Variants in NAA15 observed in about 807,000 individuals in gnomAD.
NAA15 encodes the protein N-alpha-acetyltransferase 15, NatA auxiliary subunit, also known as N-terminal acetyltransferase.
A neutral mutation model predicts 114.0 loss-of-function variants in NAA15; 34 were observed. The ratio of observed to expected loss-of-function variants is 0.30; its 90% CI spans 0.23 to 0.40. The LOEUF (loss-of-function observed/expected upper bound fraction) is 0.40. Among genes scored for constraint, NAA15 ranks in the 10% least tolerant of loss-of-function variants. NAA15 has a pLI of 1.00. For synonymous variants in NAA15, 340 were observed against 338.0 expected, an observed-to-expected ratio of 1.01 and a Z score of -0.06; for missense variants, 658 against 1,004.5, an observed-to-expected ratio of 0.66 and a Z score of 4.66.
intron 17 of NAA15, among the ~76,000 whole-genome samples, chr4:139,382,131 C>CT (rs1485940454): frequency 4.6e-5 from 7 of 152,180 alleles, no homozygotes; most frequent in Non-Finnish European, 7.4e-5. Flanking sequence ...TGCTCCTTTT[C>CT]TTAAGGGTAC....
chr4:139,380,260 G>T lies in NAA15; in HGVS notation c.2155+1406G>T, dbSNP rs556582988. Among the ~76,000 whole-genome samples, 356 of 76,826 alleles carry T rather than the reference G, an allele frequency of 4.6e-3. 2 individuals carry two copies. The highest frequency in any genetic ancestry group is 6.6e-3 in the Non-Finnish European group (239 of 36,188). 50.4% of individuals were successfully genotyped at this position (76,826 alleles called of 152,430 possible). On this transcript the variant is annotated intron_variant, in intron 17 of 19. Transcript: ENST00000296543. ...AGTTTGTTTCTCTTTAGTTTTTTTG[G>T]GGGGGGGGAGTATGAAAAATAACTT...
chr4:139,381,925 A>T (rs964348231), intron 17 of NAA15, among the ~76,000 whole-genome samples: 2 of 152,172 alleles, frequency 1.3e-5, no homozygotes, highest in Non-Finnish European at 2.9e-5. Flanking sequence ...CTCATCAGTT[A>T]TTACTTTTCC....
chr4:139,378,548 A>G (rs1423050526), intron 16 of NAA15, among the ~76,000 whole-genome samples: 4 of 152,226 alleles, frequency 2.6e-5, no homozygotes, highest in Non-Finnish European at 4.4e-5. Context: ...TAAATTTTCT[A>G]CATTTCACAA....
chr4:139,335,167 C>T (rs995736850), intron 2 of NAA15, among the ~76,000 whole-genome samples: 2 of 151,928 alleles, frequency 1.3e-5, no homozygotes, highest in Non-Finnish European at 2.9e-5. Flanking sequence ...TATGACAAAA[C>T]ATATATTTAA....
chr4:139,321,943 C>T (rs1022658336), intron 1 of NAA15, among the ~76,000 whole-genome samples: 3 of 151,928 alleles, frequency 2.0e-5, no homozygotes, highest in African/African-American at 7.3e-5. Context: ...GGGTTAGTTT[C>T]CTGCTTGGAA....
At chr4:139,312,661 T>C (rs1184345916) in intron 1 of NAA15, among the ~76,000 whole-genome samples, 1 of 151,742 alleles carries the variant, frequency 6.6e-6, no homozygotes, top group Non-Finnish European at 1.5e-5. Flanking sequence ...CTGGGCAACA[T>C]AGCAAGGCTC....
intron 1 of NAA15, among the ~76,000 whole-genome samples, chr4:139,330,745 G>A (rs1162321740): frequency 6.6e-6 from 1 of 152,130 alleles, no homozygotes; most frequent in African/African-American, 2.4e-5. Flanking sequence ...TGAGGCAGGA[G>A]GATTGCTGGA....
At chr4:139,350,728 A>G (rs1747750911) in intron 7 of NAA15, among the ~76,000 whole-genome samples, 1 of 152,222 alleles carries the variant, frequency 6.6e-6, no homozygotes, top group African/African-American at 2.4e-5. Flanking sequence ...GGAATCTAAG[A>G]TAGACGTAAT....
At chr4:139,349,647 T>C in intron 7 of NAA15, 66 bp downstream of exon 7, 3 of 1,439,312 alleles carry the variant, frequency 2.1e-6, no homozygotes, top group South Asian at 1.3e-5. Context: ...TATTTACTCA[T>C]TGAAAAGCAC....
chr4:139,329,324 G>A (rs1450588003), intron 1 of NAA15, among the ~76,000 whole-genome samples: 1 of 151,866 alleles, frequency 6.6e-6, no homozygotes, highest in Non-Finnish European at 1.5e-5. Context: ...ATTCCATCAC[G>A]TTTTTAATTT....
rs776374527 is a variant in NAA15, at chr4:139,322,748, A to G, written c.55-11426A>G. ...GCTCTGTTGCCCAGGCTGGAGTGCA[A>G]TAGGGCAATTTTGGCTCACTGCAAC... On this transcript the variant is annotated intron_variant, in intron 1 of 19. Transcript: ENST00000296543. Among the ~76,000 whole-genome samples, 14 of 151,112 alleles carry G rather than the reference A, an allele frequency of 9.3e-5. No individual in the cohort carries two copies. The East Asian group carries it at 2.0e-3, about 21-fold the overall frequency.
intron 1 of NAA15, among the ~76,000 whole-genome samples, chr4:139,308,852 G>A (rs1054172145): frequency 2.6e-5 from 4 of 151,786 alleles, no homozygotes; most frequent in African/African-American, 7.3e-5. Flanking sequence ...CTTACCTCGG[G>A]TGATCCACCC....
At position 139,346,323 on chromosome 4, in the gene NAA15, C is replaced by T. The variant is rs145562265; in HGVS notation, c.691+1984C>T. On this transcript the variant is annotated intron_variant, in intron 6 of 19. Coordinates refer to ENST00000296543, the MANE Select transcript of NAA15 (RefSeq NM_057175.5). ...GAAATAAGAAATAAGGCTATCAGCT[C>T]ATTCCACAAAATATGTATTGAATAC... 1.8e-3 allele frequency among the ~76,000 whole-genome samples: 269 copies of T among 152,208 alleles called. 1 individual carries two copies. The highest frequency in any genetic ancestry group is 3.2e-3 in the Non-Finnish European group (220 of 68,012).
At chr4:139,346,852 C>T (rs1579111436) in intron 6 of NAA15, among the ~76,000 whole-genome samples, 6 of 152,172 alleles carry the variant, frequency 3.9e-5, no homozygotes, top group Admixed American at 3.3e-4. Flanking sequence ...TATTCTTATA[C>T]CACCAGTTCC....
At chr4:139,350,928 G>A (rs1747759743) in intron 7 of NAA15, among the ~76,000 whole-genome samples, 1 of 152,048 alleles carries the variant, frequency 6.6e-6, no homozygotes. Context: ...GATAACCAAG[G>A]CTTTTTCAGA....
intron 1 of NAA15, among the ~76,000 whole-genome samples, chr4:139,315,080 T>TAGGTTAG (rs1746364799): frequency 1.3e-5 from 1 of 78,440 alleles, no homozygotes; most frequent in Non-Finnish European, 2.4e-5. Context: ...GTTTAGTTTT[T>TAGGTTAG]GAGACGGAGT....
chr4:139,316,497 G>A (rs1244796016), intron 1 of NAA15, among the ~76,000 whole-genome samples: 1 of 151,640 alleles, frequency 6.6e-6, no homozygotes, highest in Non-Finnish European at 1.5e-5. Flanking sequence ...AAAATTTTGA[G>A]TTTCTCATTT....
rs190430123 is a variant in NAA15 at position 139,352,702 on chromosome 4, T to G, written c.1014+1091T>G. ...TTTTTTTTGAGACGGAGTTTCACTCTTGTCGCCCAGGCTGGAGTGCAATGG... is the reference window on the plus strand; with the variant it reads ...TTTTTTTTGAGACGGAGTTTCACTCGTGTCGCCCAGGCTGGAGTGCAATGG... On this transcript the variant is annotated intron_variant, in intron 9 of 19. Transcript: ENST00000296543. Among the ~76,000 whole-genome samples the G allele has an allele frequency of 1.1e-3, 154 of 144,400 alleles. 4 individuals carry two copies. In the East Asian group the frequency reaches 0.022, roughly 21 times the overall value. 94.7% of individuals were successfully genotyped at this position (144,400 alleles called of 152,430 possible).
At chr4:139,328,355 C>T (rs533344421) in intron 1 of NAA15, among the ~76,000 whole-genome samples, 251 of 150,802 alleles carry the variant, frequency 1.7e-3, no homozygotes, top group South Asian at 2.3e-3. Context: ...TACAGGTGTC[C>T]GCCACCACGC....
Sources: gnomAD v4.1 joint callset for allele counts (sites outside exome capture counted in the v4.1 genomes callset) on GRCh38, gnomAD v4.1.1 for gene constraint, MANE v1.5 for transcripts, NCBI Gene and HGNC (gene_info 2026-07-23, HGNC 2026-07-21) for gene names.